The following CAMK2B variants were observed in gnomAD, a reference collection of about 807,000 sequenced individuals.
CAMK2B encodes the protein calcium/calmodulin-dependent protein kinase type II subunit beta.
A neutral mutation model predicts 93.7 loss-of-function variants in CAMK2B; 27 were observed. The observed-to-expected ratio is 0.29, with a 90% CI of 0.21 to 0.40. The LOEUF is 0.40. Among genes scored for constraint, CAMK2B ranks in the 10% least tolerant of loss-of-function variants. The pLI, the probability that CAMK2B is intolerant of heterozygous loss-of-function variation, is 1.00. For missense variants in CAMK2B, 568 were observed against 895.8 expected, an observed-to-expected ratio of 0.63 and a Z score of 4.67; for synonymous variants, 374 against 358.8, an observed-to-expected ratio of 1.04 and a Z score of -0.48.
intron 2 of CAMK2B, among the ~76,000 whole-genome samples, chr7:44,276,076 G>A (rs1267980097): frequency 6.6e-6 from 1 of 151,976 alleles, no homozygotes; most frequent in Non-Finnish European, 1.5e-5. Context: ...GGGAAGCAGA[G>A]GAGGTCTCCC....
chr7:44,252,684 C>T (rs1219850704), intron 5 of CAMK2B, among the ~76,000 whole-genome samples: 2 of 152,140 alleles, frequency 1.3e-5, no homozygotes, highest in African/African-American at 4.8e-5. Context: ...CTCCACCCAT[C>T]CCAGGATCCC....
At chr7:44,263,319 A>G (rs1584363511) in intron 2 of CAMK2B, among the ~76,000 whole-genome samples, 1 of 152,252 alleles carries the variant, frequency 6.6e-6, no homozygotes, top group South Asian at 2.1e-4. Context: ...ACTCGGGGCT[A>G]AAAGTTTCCC....
intron 5 of CAMK2B, among the ~76,000 whole-genome samples, chr7:44,251,305 T>A (rs1384997389): frequency 1.3e-5 from 2 of 152,046 alleles, no homozygotes; most frequent in African/African-American, 2.4e-5. Context: ...CTGCCCTGAG[T>A]TTGTGGCTAT....
intron 1 of CAMK2B, among the ~76,000 whole-genome samples, chr7:44,324,172 T>G (rs1474276491): frequency 6.6e-6 from 1 of 152,148 alleles, no homozygotes; most frequent in African/African-American, 2.4e-5. Context: ...ATGATCAGCG[T>G]CCCTCACCCA....
chr7:44,227,781 G>A (rs1294823864), intron 19 of CAMK2B, among the ~76,000 whole-genome samples: 2 of 62,752 alleles, frequency 3.2e-5, no homozygotes, highest in Non-Finnish European at 3.1e-5. Context: ...GAGTCTGGGG[G>A]ACAGAGGAGG....
chr7:44,249,851 C>T (rs998366425), intron 5 of CAMK2B, among the ~76,000 whole-genome samples: 1 of 152,170 alleles, frequency 6.6e-6, no homozygotes, highest in Non-Finnish European at 1.5e-5. Flanking sequence ...TGTCATCACC[C>T]CCTGACTCCA....
chr7:44,306,948 G>A (rs1322975258), intron 1 of CAMK2B, among the ~76,000 whole-genome samples: 2 of 122,952 alleles, frequency 1.6e-5, no homozygotes, highest in Admixed American at 1.6e-4. Context: ...AGAAGGGGGT[G>A]AGTAGGGGGA....
At chr7:44,301,959 C>A (rs1307207387) in intron 1 of CAMK2B, among the ~76,000 whole-genome samples, 2 of 152,020 alleles carry the variant, frequency 1.3e-5, no homozygotes, top group African/African-American at 4.8e-5. Flanking sequence ...ACAAAGCCAA[C>A]AGCTAGTTCT....
At chr7:44,253,997 GGTGAGATGTACT>G (rs1412100548) in intron 5 of CAMK2B, among the ~76,000 whole-genome samples, 4 of 152,002 alleles carry the variant, frequency 2.6e-5, no homozygotes, top group African/African-American at 9.7e-5. Flanking sequence ...CTGTCCCTGA[GGTGAGATGTACT>G]GTTACGAGAG....
In CAMK2B at chr7:44,311,139, T is replaced by C. The variant is rs993605552; in HGVS notation, c.65+14218A>G. 1.3e-5 allele frequency among the ~76,000 whole-genome samples: 2 copies of C among 152,202 alleles called. No homozygotes were observed. The highest frequency in any genetic ancestry group is 2.9e-5 in the Non-Finnish European group (2 of 68,034). On this transcript the variant is annotated intron_variant, in intron 1 of 23. Coordinates refer to ENST00000395749, the MANE Select transcript of CAMK2B (RefSeq NM_001220.5). This position sits in a 1 kb window ranked among gnomAD's most constrained non-coding sequence, Gnocchi z 4.2. ...CCCAGGCTGGAGTGCAATGGCGTGA[T>C]CTCGGCTCACTGCAACCTCTGCAAC... is the stretch of plus-strand genomic sequence containing the variant.
intron 1 of CAMK2B, among the ~76,000 whole-genome samples, chr7:44,299,143 A>G (rs1193080947): frequency 2.0e-5 from 3 of 152,244 alleles, no homozygotes; most frequent in East Asian, 3.8e-4. Flanking sequence ...AGCAACTCAA[A>G]TGGCCATTGA....
intron 2 of CAMK2B, among the ~76,000 whole-genome samples, chr7:44,277,034 T>C (rs10267738): frequency 6.6e-6 from 1 of 152,000 alleles, no homozygotes; most frequent in Non-Finnish European, 1.5e-5. Flanking sequence ...CATGGGCCGC[T>C]AACCAGGGTC....
intron 5 of CAMK2B, among the ~76,000 whole-genome samples, chr7:44,253,395 T>C (rs2096798997): frequency 6.6e-6 from 1 of 152,090 alleles, no homozygotes; most frequent in Non-Finnish European, 1.5e-5. Flanking sequence ...GTATTTTTAG[T>C]AGAGACGGGG....
chr7:44,279,721 C>T lies in CAMK2B; in HGVS notation c.160+4410G>A, dbSNP rs752576492. Among the ~76,000 whole-genome samples the T allele has an allele frequency of 1.5e-3, 231 of 152,370 alleles. 1 individual carries two copies. The highest frequency in any genetic ancestry group is 3.4e-3 in the Middle Eastern group (1 of 294). ...GCAGGGTCTCCAGGGCGCAGCCATC[C>T]TCTCACTCAGATTCCCACTACCCTA... is the stretch of plus-strand genomic sequence containing the variant. On this transcript the variant is annotated intron_variant, in intron 2 of 23. Transcript: ENST00000395749.
chr7:44,314,014 TG>T (rs1794227176), intron 1 of CAMK2B, among the ~76,000 whole-genome samples: 1 of 152,100 alleles, frequency 6.6e-6, no homozygotes, highest in Non-Finnish European at 1.5e-5. Context: ...AGCCAGGCAT[TG>T]GCAGTCACTT....
At chr7:44,251,315 T>C (rs535550542) in intron 5 of CAMK2B, among the ~76,000 whole-genome samples, 1 of 152,302 alleles carries the variant, frequency 6.6e-6, no homozygotes, top group Non-Finnish European at 1.5e-5. Flanking sequence ...TTTGTGGCTA[T>C]GCTTGTTGGG....
In CAMK2B at chr7:44,312,713, C is replaced by G. The variant is rs911233453; in HGVS notation, c.65+12644G>C. On this transcript the variant is annotated intron_variant, in intron 1 of 23. Transcript: ENST00000395749. The surrounding 1 kb of genome is among the most constrained non-coding windows in gnomAD (Gnocchi z 4.1). ...GAGACAGAGAAAGAGTAACACCTCC[C>G]GCAAGACAGGCTGTCCTGGGTTGGA... Among the ~76,000 whole-genome samples, 1 of 152,136 alleles carries G rather than the reference C, an allele frequency of 6.6e-6. No homozygotes were observed. The highest frequency in any genetic ancestry group is 1.5e-5 in the Non-Finnish European group (1 of 68,032).
rs567648372 is a variant in CAMK2B, at chr7:44,324,774, C to T, written c.65+583G>A. Among the ~76,000 whole-genome samples, 4 of 152,296 alleles carry T rather than the reference C, an allele frequency of 2.6e-5. No homozygotes were observed. The South Asian group carries it at 8.3e-4, about 32-fold the overall frequency. ...TCCAAATTCCTGTTTCCAGAAGAAT[C>T]TGGGGGAAAATCCTCCAGAACCCAG... On this transcript the variant is annotated intron_variant, in intron 1 of 23. Transcript: ENST00000395749.
chr7:44,293,483 T>C (rs1787418140), intron 1 of CAMK2B, among the ~76,000 whole-genome samples: 1 of 152,196 alleles, frequency 6.6e-6, no homozygotes, highest in African/African-American at 2.4e-5. Context: ...TCCTCCCATA[T>C]GTTGACAATC....
Sources: allele counts gnomAD v4.1 joint callset (sites outside exome capture counted in the v4.1 genomes callset), GRCh38; gene constraint gnomAD v4.1.1; non-coding constraint Gnocchi (gnomAD v3.1); transcripts MANE v1.5; gene names NCBI Gene and HGNC (gene_info 2026-07-23, HGNC 2026-07-21).